The following FAM200A variants were observed in gnomAD, a reference collection of about 807,000 sequenced individuals.
The protein encoded by FAM200A is protein FAM200A.
In FAM200A, 26 loss-of-function variants were observed where a neutral mutation model predicts 44.2. That is an observed-to-expected ratio of 0.59 (90% CI 0.43 to 0.82). The LOEUF is 0.82. FAM200A is among the 40% of genes least tolerant of loss of function. The probability of loss-of-function intolerance (pLI) is 0.00; values close to 1 mark genes in which losing one functional copy is unlikely to be tolerated. For synonymous variants in FAM200A, 206 were observed against 244.4 expected (o/e 0.84, Z 1.47); for missense variants, 606 against 669.5 (o/e 0.91, Z 1.05).
chr7:99,557,114 TAAAAG>T (rs1309382186), intron 1 of FAM200A, among the ~76,000 whole-genome samples: 3 of 152,228 alleles, frequency 2.0e-5, no homozygotes, highest in East Asian at 1.9e-4. Context: ...GGCAAACTGT[TAAAAG>T]AAAATTTTGC....
Position 99,548,431 on chromosome 7 carries a change from C to T in FAM200A, c.-24G>A, listed in dbSNP as rs780167188. 3 of 1,602,318 alleles carry T rather than the reference C, an allele frequency of 1.9e-6. No homozygotes were observed. The African/African-American group carries it at 4.0e-5, about 22-fold the overall frequency. On this transcript the variant is annotated 5_prime_UTR_variant, in exon 2 of 2. Transcript: ENST00000449309. Reference sequence around the variant, plus strand: ...ATTATTCAGGTTCCAGGAACTGGCTCACTTGATCCAAATAGGGTCTGTTTT... The same window carrying T: ...ATTATTCAGGTTCCAGGAACTGGCTTACTTGATCCAAATAGGGTCTGTTTT...
intron 1 of FAM200A, among the ~76,000 whole-genome samples, chr7:99,549,169 G>T (rs1213592884): frequency 1.5e-5 from 2 of 137,106 alleles, no homozygotes; most frequent in African/African-American, 2.8e-5. Flanking sequence ...ATGAGAACTT[G>T]TATTTCTTAA....
At chr7:99,557,982 G>A (rs1783644957) in intron 1 of FAM200A, among the ~76,000 whole-genome samples, 1 of 152,160 alleles carries the variant, frequency 6.6e-6, no homozygotes, top group Admixed American at 6.5e-5. Context: ...CGCTCTGCCT[G>A]TCCCGCTTGT....
At chr7:99,555,166 G>T (rs967705380), upstream of FAM200A, among the ~76,000 whole-genome samples, 3 of 152,134 alleles carry the variant, frequency 2.0e-5, no homozygotes, top group Non-Finnish European at 2.9e-5. Flanking sequence ...AGTGGATTAG[G>T]GTGGGTCCCT....
chr7:99,553,099 A>ATATATTT (rs1254408398), upstream of FAM200A, among the ~76,000 whole-genome samples: 1 of 61,418 alleles, frequency 1.6e-5, no homozygotes, highest in Non-Finnish European at 2.6e-5. Context: ...ATATATATAT[A>ATATATTT]TTTTTTTTTT....
upstream of FAM200A, among the ~76,000 whole-genome samples, chr7:99,552,984 T>C (rs191068144): frequency 0.019 from 2,685 of 141,674 alleles, 92 homozygotes; most frequent in African/African-American, 0.073. Flanking sequence ...TATATATATA[T>C]ACACACATAT....
upstream of FAM200A, among the ~76,000 whole-genome samples, chr7:99,553,104 T>A (rs1267785565): frequency 1.5e-3 from 149 of 102,158 alleles, no homozygotes; most frequent in African/African-American, 3.8e-3. Flanking sequence ...TATATATTTT[T>A]TTTTTTTTTT....
At chr7:99,549,813 A>G (rs1802487775) in intron 1 of FAM200A, among the ~76,000 whole-genome samples, 1 of 152,184 alleles carries the variant, frequency 6.6e-6, no homozygotes, top group Admixed American at 6.5e-5. Flanking sequence ...AAAACCAAAC[A>G]CTGCATGTTC....
At chr7:99,552,502 A>C (rs2151131518), upstream of FAM200A, among the ~76,000 whole-genome samples, 1 of 152,234 alleles carries the variant, frequency 6.6e-6, no homozygotes, top group African/African-American at 2.4e-5. Context: ...TTGCCAGTTG[A>C]ATGGGCAGTA....
chr7:99,554,478 C>CAAAAAAAAAAA (rs397889799), upstream of FAM200A, among the ~76,000 whole-genome samples: 88 of 51,870 alleles, frequency 1.7e-3, no homozygotes, highest in East Asian at 3.9e-3. Context: ...GACTCCGTCT[C>CAAAAAAAAAAA]AAAAAAAAAA....
chr7:99,555,613 A>G (rs1171574192), upstream of FAM200A, among the ~76,000 whole-genome samples: 2 of 152,206 alleles, frequency 1.3e-5, no homozygotes, highest in African/African-American at 2.4e-5. Flanking sequence ...TTGCCCCAAT[A>G]AAAAGTGGAA....
upstream of FAM200A, among the ~76,000 whole-genome samples, chr7:99,556,062 G>A (rs768398700): frequency 2.0e-5 from 3 of 152,150 alleles, no homozygotes; most frequent in Non-Finnish European, 2.9e-5. Context: ...GAGGGTGCAA[G>A]GTGGAACAAC....
At chr7:99,553,050 CAT>C (rs1293096944), upstream of FAM200A, among the ~76,000 whole-genome samples, 901 of 115,626 alleles carry the variant, frequency 7.8e-3, 13 homozygotes, top group African/African-American at 0.021. Context: ...TATACACACA[CAT>C]ATATATATAT....
upstream of FAM200A, chr7:99,552,280 A>G (rs1802556092): frequency 3.9e-6 from 2 of 514,228 alleles, no homozygotes; most frequent in Non-Finnish European, 5.0e-6. Context: ...GGGCGGGGAA[A>G]AAGGGATGAA....
At chr7:99,555,901 G>C (rs896189505), upstream of FAM200A, among the ~76,000 whole-genome samples, 1 of 152,020 alleles carries the variant, frequency 6.6e-6, no homozygotes, top group Non-Finnish European at 1.5e-5. Context: ...GCAAGACTCC[G>C]TGTCAAGAAA....
intron 1 of FAM200A, among the ~76,000 whole-genome samples, chr7:99,557,611 G>C (rs1027033007): frequency 6.6e-6 from 1 of 152,144 alleles, no homozygotes; most frequent in African/African-American, 2.4e-5. Context: ...CCACTGTGAC[G>C]GGCACTGCAG....
chr7:99,552,064 C>G lies in FAM200A; in HGVS notation c.-310G>C, dbSNP rs991226109. ...GTTGTGACTTTGGGGACCAGGAGCACTAGACTCACATCCAAGCCCCCTGGC... is the reference window on the plus strand; with the variant it reads ...GTTGTGACTTTGGGGACCAGGAGCAGTAGACTCACATCCAAGCCCCCTGGC... On this transcript the variant is annotated 5_prime_UTR_variant, in exon 1 of 2. Coordinates refer to ENST00000449309, the MANE Select transcript of FAM200A (RefSeq NM_145111.4). The G allele has an allele frequency of 1.0e-6, 1 of 985,458 alleles. No individual in the cohort carries two copies. The highest frequency in any genetic ancestry group is 1.7e-5 in the African/African-American group (1 of 57,248). 61.0% of individuals were successfully genotyped at this position (985,458 alleles called of 1,614,324 possible).
upstream of FAM200A, among the ~76,000 whole-genome samples, chr7:99,553,099 A>ATATATAT (rs1254408398): frequency 6.5e-5 from 4 of 61,396 alleles, no homozygotes; most frequent in African/African-American, 9.8e-5. Context: ...ATATATATAT[A>ATATATAT]TTTTTTTTTT....
chr7:99,553,190 G>A (rs1331299037), upstream of FAM200A, among the ~76,000 whole-genome samples: 1 of 145,114 alleles, frequency 6.9e-6, no homozygotes, highest in Non-Finnish European at 1.5e-5. Context: ...ACAGTCCTCC[G>A]TGATGACATC....
Sources: allele counts gnomAD v4.1 joint callset (sites outside exome capture counted in the v4.1 genomes callset), GRCh38; gene constraint gnomAD v4.1.1; transcripts MANE v1.5; gene names NCBI Gene and HGNC (gene_info 2026-07-23, HGNC 2026-07-21).